The following MAX variants were observed in gnomAD, a reference collection of about 807,000 sequenced individuals.
MAX encodes the protein MYC associated transcriptional regulator X.
A neutral mutation model predicts 22.3 loss-of-function variants in MAX; 3 were observed. The ratio of observed to expected loss-of-function variants is 0.13; its 90% CI spans 0.06 to 0.35. MAX has a LOEUF of 0.35. MAX is among the 10% of genes least tolerant of loss of function. The pLI is 1.00. For synonymous variants in MAX, 72 were observed against 77.7 expected (o/e 0.93, Z 0.39); for missense variants, 119 against 209.4 (o/e 0.57, Z 2.66).
rs1349608495 is a variant in MAX, at chr14:65,032,965, T to C, written c.172-26681A>G. Among the ~76,000 whole-genome samples the C allele has an allele frequency of 2.0e-5, 3 of 152,232 alleles. No individual in the cohort carries two copies. The highest frequency in any genetic ancestry group is 4.4e-5 in the Non-Finnish European group (3 of 68,040). On this transcript the variant is annotated intron_variant, in intron 3 of 3. Coordinates refer to the MAX transcript ENST00000341653. The surrounding 1 kb of genome is among the most constrained non-coding windows in gnomAD (Gnocchi z 5.0). ...AGCCTGAATTGATTTAACCAGTTTT[T>C]AGAGCAATTTGACAGTATGTCAAAG...
chr14:65,090,131 T>C (rs1177659710), intron 3 of MAX: 1 of 152,168 alleles, frequency 6.6e-6, no homozygotes, highest in Non-Finnish European at 1.5e-5. Flanking sequence ...ATACGCCACC[T>C]CAGAGGATAG....
At chr14:65,040,853 C>G (rs1292457144) in intron 3 of MAX, 1 of 1,613,976 alleles carries the variant, frequency 6.2e-7, no homozygotes, top group Non-Finnish European at 8.5e-7. Context: ...GTGGCTATAC[C>G]TTCTGTGGCC....
At chr14:65,064,634 A>C (rs2062912781) in intron 3 of MAX, among the ~76,000 whole-genome samples, 1 of 152,210 alleles carries the variant, frequency 6.6e-6, no homozygotes, top group Admixed American at 6.5e-5. Flanking sequence ...CCTTTCCAAG[A>C]AGCAGTCCAA....
intron 3 of MAX, chr14:65,053,109 A>T: frequency 1.6e-6 from 1 of 616,438 alleles, no homozygotes; most frequent in Non-Finnish European, 2.4e-6. Context: ...TAGCAGTTGT[A>T]CCAAGAATGA....
In MAX at chr14:65,078,031, G is replaced by C. The variant is rs781103630; in HGVS notation, c.177C>G (p.Ser59=). The change falls in exon 4 of 5, where the codon TCC becomes TCG. Residue 59 remains serine (S), a synonymous_variant. Transcript: ENST00000358664. The surrounding 1 kb of genome is among the most constrained non-coding windows in gnomAD (Gnocchi z 6.4). The part of the protein sequence containing the change: ...SVPSLQGEKA[S]RAQILDKATE... ...TGGCTTTGTCTAGGATTTGGGCCCG[G>C]GATGCCTGTGGCAATATGAGAAAAA... 2.6e-5 allele frequency: 42 copies of C among 1,614,008 alleles called. No homozygotes were observed. Among genetic ancestry groups the C allele is most frequent in the Middle Eastern group, 1.6e-4 (1 of 6,084 alleles).
chr14:65,094,035 C>T, intron 2 of MAX: 1 of 589,822 alleles, frequency 1.7e-6, no homozygotes, highest in South Asian at 1.9e-5. Flanking sequence ...TCCAAAGTAG[C>T]TCGATGCATC....
At chr14:65,061,472 GT>G in intron 3 of MAX, 1 of 1,280,502 alleles carries the variant, frequency 7.8e-7, no homozygotes, top group Non-Finnish European at 1.0e-6. Flanking sequence ...ATGGCTCTGG[GT>G]TTGGAGAACA....
At chr14:65,052,038 A>G (rs1356817377) in intron 3 of MAX, among the ~76,000 whole-genome samples, 9 of 150,782 alleles carry the variant, frequency 6.0e-5, no homozygotes, top group Non-Finnish European at 8.9e-5. Flanking sequence ...CTCGTGATCA[A>G]CCCCCCTCAG....
chr14:65,035,977 G>C (rs777176426), intron 3 of MAX, among the ~76,000 whole-genome samples: 3 of 151,962 alleles, frequency 2.0e-5, no homozygotes, highest in Non-Finnish European at 4.4e-5. Context: ...GACCACAGGT[G>C]TGCACCACAA....
chr14:65,072,990 G>C (rs1224362795), downstream of MAX, among the ~76,000 whole-genome samples: 1 of 152,194 alleles, frequency 6.6e-6, no homozygotes, highest in Admixed American at 6.5e-5. Flanking sequence ...AAAGGTGTCT[G>C]GGAGCTGGCT....
At chr14:65,094,135 T>A (rs1328319830) in intron 2 of MAX, 1 of 372,212 alleles carries the variant, frequency 2.7e-6, no homozygotes, top group African/African-American at 2.1e-5. Flanking sequence ...CTTGCTTATG[T>A]GACAGAAGAG....
intron 3 of MAX, chr14:65,061,680 GCCACCATTCAGTCA>G: frequency 5.1e-6 from 1 of 197,180 alleles, no homozygotes; most frequent in East Asian, 1.1e-4. Flanking sequence ...CCACTTGCAC[GCCACCATTCAGTCA>G]CCAGACTGGG....
At chr14:65,034,583 A>C (rs1372989354) in intron 3 of MAX, among the ~76,000 whole-genome samples, 1 of 152,202 alleles carries the variant, frequency 6.6e-6, no homozygotes, top group African/African-American at 2.4e-5. Context: ...GAGGACTGTC[A>C]TGCTCAATGG....
chr14:65,083,419 T>C (rs961094062), intron 3 of MAX, among the ~76,000 whole-genome samples: 1 of 152,252 alleles, frequency 6.6e-6, no homozygotes, highest in Non-Finnish European at 1.5e-5. Flanking sequence ...AAATTTTCAA[T>C]GTAAGGCAAG....
chr14:65,072,013 G>C (rs2062992617), downstream of MAX, among the ~76,000 whole-genome samples: 1 of 152,224 alleles, frequency 6.6e-6, no homozygotes, highest in Non-Finnish European at 1.5e-5. Flanking sequence ...GACACTGAAG[G>C]AAATTCTCTA....
chr14:65,021,984 C>G (rs765656861), intron 3 of MAX: 1 of 456,054 alleles, frequency 2.2e-6, no homozygotes, highest in South Asian at 1.5e-5. Flanking sequence ...TCTTCCAGAA[C>G]AGCAGCCATC....
At chr14:65,008,617 TA>T (rs1566866798) in intron 3 of MAX, among the ~76,000 whole-genome samples, 1 of 152,238 alleles carries the variant, frequency 6.6e-6, no homozygotes, top group Non-Finnish European at 1.5e-5. Context: ...GTAGGTGGAA[TA>T]GGGGTGGCTA....
In MAX at chr14:65,092,635, T is replaced by C. The variant is rs115001641; in HGVS notation, c.171+1073A>G. Among the ~76,000 whole-genome samples the C allele has an allele frequency of 5.8e-3, 876 of 152,326 alleles. 8 individuals are homozygous for C. The highest frequency in any genetic ancestry group is 0.02 in the African/African-American group (824 of 41,568). On this transcript the variant is annotated intron_variant, in intron 3 of 4. Transcript: ENST00000358664. ...GGTTTTGCAATACCAGGTATGTACATGGCCTGTTTTGTTCTTTATAAAGGT... is the reference window on the plus strand; with the variant it reads ...GGTTTTGCAATACCAGGTATGTACACGGCCTGTTTTGTTCTTTATAAAGGT...
chr14:65,064,926 C>T (rs946177650), intron 3 of MAX, among the ~76,000 whole-genome samples: 1 of 152,258 alleles, frequency 6.6e-6, no homozygotes, highest in Non-Finnish European at 1.5e-5. Context: ...TTTGCCAGGG[C>T]TTGATGCCCT....
Sources: gnomAD v4.1 joint callset for allele counts (sites outside exome capture counted in the v4.1 genomes callset) on GRCh38, gnomAD v4.1.1 for gene constraint, Gnocchi (gnomAD v3.1) non-coding constraint, MANE v1.5 for transcripts, NCBI Gene and HGNC (gene_info 2026-07-23, HGNC 2026-07-21) for gene names.